SPRYD7: variants seen among roughly 807,000 people sequenced by gnomAD.
SPRYD7 encodes the protein SPRY domain-containing protein 7.
Under a neutral mutation model 23.8 loss-of-function variants are expected in SPRYD7, and 14 were observed. The ratio of observed to expected loss-of-function variants is 0.59; its 90% CI spans 0.39 to 0.92. The LOEUF (loss-of-function observed/expected upper bound fraction) is 0.92. SPRYD7 is among the 40% of genes least tolerant of loss of function. SPRYD7 has a pLI of 0.00. For synonymous variants in SPRYD7, 75 were observed against 84.9 expected, an observed-to-expected ratio of 0.88 and a Z score of 0.64; for missense variants, 194 against 241.7, an observed-to-expected ratio of 0.80 and a Z score of 1.31.
chr13:49,923,314 G>A (rs2138223386), intron 3 of SPRYD7, among the ~76,000 whole-genome samples: 1 of 152,126 alleles, frequency 6.6e-6, no homozygotes, highest in East Asian at 1.9e-4. Context: ...CATGATCTTG[G>A]CTCACTGCAA....
intron 3 of SPRYD7, among the ~76,000 whole-genome samples, chr13:49,924,874 G>A (rs550158681): frequency 2.0e-5 from 3 of 151,408 alleles, no homozygotes; most frequent in Non-Finnish European, 4.4e-5. Flanking sequence ...TACTCAGGAG[G>A]CTGAGGCAGG....
At chr13:49,925,384 T>TC (rs1955870777) in intron 3 of SPRYD7, among the ~76,000 whole-genome samples, 1 of 151,404 alleles carries the variant, frequency 6.6e-6, no homozygotes, top group Non-Finnish European at 1.5e-5. Flanking sequence ...AGAGTGAGAC[T>TC]CCATCTCAAT....
intron 4 of SPRYD7, among the ~76,000 whole-genome samples, chr13:49,921,057 GT>G (rs1394443159): frequency 6.6e-6 from 1 of 152,252 alleles, no homozygotes; most frequent in East Asian, 1.9e-4. Flanking sequence ...CGCTGATATG[GT>G]TTGGCTGTGT....
At chr13:49,934,555 C>CAAAAAAAA (rs889803067) in intron 1 of SPRYD7, among the ~76,000 whole-genome samples, 38 of 53,606 alleles carry the variant, frequency 7.1e-4, no homozygotes, top group Non-Finnish European at 8.9e-4. Context: ...AACTCCGTCT[C>CAAAAAAAA]AAAAAAAAAA....
chr13:49,924,994 A>AAAT (rs201309392), intron 3 of SPRYD7, among the ~76,000 whole-genome samples: 3,268 of 135,726 alleles, frequency 0.024, 48 homozygotes, highest in African/African-American at 0.029. Context: ...AAAAATAAAT[A>AAAT]AATAATAATA....
intron 2 of SPRYD7, among the ~76,000 whole-genome samples, chr13:49,929,424 A>G (rs1380164781): frequency 6.6e-6 from 1 of 152,186 alleles, no homozygotes; most frequent in Admixed American, 6.5e-5. Context: ...TCATTTTCCT[A>G]TTCTCTACCC....
rs542709332 is a variant in SPRYD7, at chr13:49,923,403, C to T, written c.391-1823G>A. 1.3e-3 allele frequency among the ~76,000 whole-genome samples: 201 copies of T among 152,204 alleles called. 2 individuals carry two copies. Among genetic ancestry groups the T allele is most frequent in the Middle Eastern group, 6.8e-3 (2 of 294 alleles). ...GGATTACAGGCGCCCGCCACCATGC[C>T]TGGCTAATTTTTGCATTTTTAGTAG... is the stretch of plus-strand genomic sequence containing the variant. On this transcript the variant is annotated intron_variant, in intron 3 of 4. Coordinates refer to ENST00000361840, the MANE Select transcript of SPRYD7 (RefSeq NM_020456.4).
chr13:49,933,748 G>A (rs754319473), intron 1 of SPRYD7, among the ~76,000 whole-genome samples: 5 of 152,054 alleles, frequency 3.3e-5, no homozygotes, highest in South Asian at 2.1e-4. Flanking sequence ...CTGCTTAGAC[G>A]GTCAAGGCAA....
chr13:49,916,424 GT>G lies in SPRYD7; in HGVS notation c.494-1265del, dbSNP rs1955751964. Reference sequence around the variant, plus strand: ...GAAGTCACCAGTGATTTTAACAAGGGTGGTTTCAATTAGTGGTGTAATGGCA... The same window carrying G: ...GAAGTCACCAGTGATTTTAACAAGGGGGTTTCAATTAGTGGTGTAATGGCA... On this transcript the variant is annotated intron_variant, in intron 4 of 4. Coordinates refer to ENST00000361840, the MANE Select transcript of SPRYD7 (RefSeq NM_020456.4). Among the ~76,000 whole-genome samples, 3 of 151,904 alleles carry G rather than the reference GT, an allele frequency of 2.0e-5. No individual in the cohort carries two copies. The South Asian group carries it at 6.2e-4, about 32-fold the overall frequency.
intron 4 of SPRYD7, among the ~76,000 whole-genome samples, chr13:49,915,871 T>A (rs1955745839): frequency 6.6e-6 from 1 of 152,238 alleles, no homozygotes; most frequent in Admixed American, 6.5e-5. Context: ...TAAAAACTGA[T>A]GAATTATTGA....
chr13:49,931,269 T>C lies in SPRYD7; in HGVS notation c.107-135A>G, dbSNP rs1955945225. On this transcript the variant is annotated intron_variant, in intron 1 of 4. Coordinates refer to ENST00000361840, the MANE Select transcript of SPRYD7 (RefSeq NM_020456.4). Reference sequence around the variant, plus strand: ...GTCTTGGCTCACTGCAACCTCTGCCTCCTGGGTTCAAGTGATTCTCCTGCC... The same window carrying C: ...GTCTTGGCTCACTGCAACCTCTGCCCCCTGGGTTCAAGTGATTCTCCTGCC... 1.1e-5 allele frequency: 5 copies of C among 465,034 alleles called. No homozygotes were observed. In the Admixed American group the frequency reaches 1.9e-4, roughly 17 times the overall value. 28.8% of individuals were successfully genotyped at this position (465,034 alleles called of 1,614,324 possible).
At chr13:49,929,000 A>G (rs140625608) in intron 2 of SPRYD7, among the ~76,000 whole-genome samples, 1,877 of 151,954 alleles carry the variant, frequency 0.012, 15 homozygotes, top group Middle Eastern at 0.02. Context: ...ACACCCAGCT[A>G]ATTTTTCTTT....
At chr13:49,934,694 G>A (rs563989052) in intron 1 of SPRYD7, among the ~76,000 whole-genome samples, 1 of 152,284 alleles carries the variant, frequency 6.6e-6, no homozygotes, top group Admixed American at 6.5e-5. Flanking sequence ...AAACACAGTG[G>A]AATGAGTATA....
At chr13:49,930,502 A>G (rs1458608720) in intron 2 of SPRYD7, among the ~76,000 whole-genome samples, 1 of 151,418 alleles carries the variant, frequency 6.6e-6, no homozygotes, top group Non-Finnish European at 1.5e-5. Flanking sequence ...AATTGCTTGA[A>G]CCCGGGAGGC....
chr13:49,917,257 C>T (rs1955763199), intron 4 of SPRYD7, among the ~76,000 whole-genome samples: 1 of 152,150 alleles, frequency 6.6e-6, no homozygotes, highest in African/African-American at 2.4e-5. Flanking sequence ...GCACCCGCCA[C>T]CACACCCAGC....
At chr13:49,930,345 G>A (rs1319316222) in intron 2 of SPRYD7, among the ~76,000 whole-genome samples, 1 of 151,246 alleles carries the variant, frequency 6.6e-6, no homozygotes, top group East Asian at 2.0e-4. Flanking sequence ...ACTTTGGGAG[G>A]CCGACGAGGG....
At chr13:49,933,182 T>C (rs1871457295) in intron 1 of SPRYD7, among the ~76,000 whole-genome samples, 1 of 152,250 alleles carries the variant, frequency 6.6e-6, no homozygotes, top group South Asian at 2.1e-4. Context: ...GTGTACAACA[T>C]TTGATCTAGG....
chr13:49,925,862 G>A (rs912772639), intron 3 of SPRYD7, among the ~76,000 whole-genome samples: 1 of 151,684 alleles, frequency 6.6e-6, no homozygotes, highest in African/African-American at 2.4e-5. Context: ...TTTCATGTAT[G>A]TCTTTCTAGT....
intron 2 of SPRYD7, among the ~76,000 whole-genome samples, chr13:49,930,536 G>A (rs188423883): frequency 2.1e-4 from 32 of 151,454 alleles, no homozygotes; most frequent in Non-Finnish European, 2.2e-4. Flanking sequence ...AGTCAAGACC[G>A]CGCCACTGCA....
Sources: allele counts gnomAD v4.1 joint callset (sites outside exome capture counted in the v4.1 genomes callset), GRCh38; gene constraint gnomAD v4.1.1; transcripts MANE v1.5; gene names NCBI Gene and HGNC (gene_info 2026-07-23, HGNC 2026-07-21).